ADD1: variants seen among roughly 807,000 people sequenced by gnomAD.
ADD1 encodes alpha-adducin.
Under a neutral mutation model 80.5 loss-of-function variants are expected in ADD1, and 24 were observed. The observed-to-expected ratio is 0.30, with a 90% CI of 0.22 to 0.42. The LOEUF (loss-of-function observed/expected upper bound fraction) is 0.42, where lower values mean the gene tolerates loss of function less well. ADD1 is among the 10% of genes least tolerant of loss of function. ADD1 has a pLI of 1.00. For synonymous variants in ADD1, 373 were observed against 393.8 expected, an observed-to-expected ratio of 0.95 and a Z score of 0.63; for missense variants, 948 against 1,019.0, an observed-to-expected ratio of 0.93 and a Z score of 0.95.
At chr4:2,848,380 G>A (rs1184615050) in intron 1 of ADD1, among the ~76,000 whole-genome samples, 2 of 152,162 alleles carry the variant, frequency 1.3e-5, no homozygotes, top group Non-Finnish European at 2.9e-5. Flanking sequence ...AATTTTTCTA[G>A]AAGTACCTTT....
chr4:2,904,831 T>C lies in ADD1; in HGVS notation c.1229T>C (p.Val410Ala). 6.2e-7 allele frequency: 1 copy of C among 1,614,208 alleles called. No homozygotes were observed. Among genetic ancestry groups the C allele is most frequent in the Non-Finnish European group, 8.5e-7 (1 of 1,180,042 alleles). The change falls in exon 10 of 16, where the codon GTG (valine) becomes GCG (alanine). Residue 410 changes from valine to alanine, a missense_variant. Coordinates refer to ENST00000683351, the MANE Select transcript of ADD1 (RefSeq NM_001354761.2). ...GAGAAGTCTAAAAAATACAGCGATG[T>C]GGAGGTTCCTGCTAGTGTCACAGGT... The part of the protein sequence containing the change: ...LREKSKKYSD[V>A]EVPASVTGYS...
intron 4 of ADD1, among the ~76,000 whole-genome samples, chr4:2,885,640 T>C (rs574553547): frequency 5.9e-4 from 90 of 151,828 alleles, no homozygotes; most frequent in African/African-American, 1.3e-3. Context: ...GACAGAGACT[T>C]GCTCTGTTGC....
Position 2,876,116 on chromosome 4 carries a change from A to G in ADD1, c.195+6A>G, listed in dbSNP as rs1303336490. On this transcript the variant is annotated splice_donor_region_variant and intron_variant, in intron 2 of 15. Coordinates refer to ENST00000683351, the MANE Select transcript of ADD1 (RefSeq NM_001354761.2). ...CCATGATTCTGCAAAGCCCTGTGAG[A>G]AGAGAAGTCTTTTCTCTGACCAGAT... 6.2e-7 allele frequency: 1 copy of G among 1,609,366 alleles called. No individual in the cohort carries two copies. Among genetic ancestry groups the G allele is most frequent in the Admixed American group, 1.7e-5 (1 of 58,806 alleles).
intron 6 of ADD1, among the ~76,000 whole-genome samples, chr4:2,897,204 T>C (rs1735389612): frequency 6.6e-6 from 1 of 152,112 alleles, no homozygotes. Flanking sequence ...TTTTGAATCT[T>C]TGAAGCCTGT....
intron 13 of ADD1, among the ~76,000 whole-genome samples, chr4:2,910,621 G>A (rs865980085): frequency 6.6e-6 from 1 of 151,738 alleles, no homozygotes; most frequent in Non-Finnish European, 1.5e-5. Context: ...GCCCACGTGA[G>A]GGCAGCACTG....
intron 1 of ADD1, among the ~76,000 whole-genome samples, chr4:2,864,486 G>C (rs1201462042): frequency 5.3e-5 from 8 of 152,160 alleles, no homozygotes. Flanking sequence ...CAAATGTTTT[G>C]TATCATTATG....
At chr4:2,895,238 A>T (rs1293227598) in intron 6 of ADD1, among the ~76,000 whole-genome samples, 6 of 152,196 alleles carry the variant, frequency 3.9e-5, no homozygotes, top group Admixed American at 3.9e-4. Context: ...CCTGGGTGAC[A>T]GAGTAAGACC....
At position 2,929,029 on chromosome 4, in the gene ADD1, G is replaced by C. The variant is rs1044752283; in HGVS notation, c.*506G>C. On this transcript the variant is annotated 3_prime_UTR_variant, in exon 16 of 16. Transcript: ENST00000683351. ...GCCTTGGTCCCGTGAAAACACTCGT[G>C]TGCCCACCAGCGGCCTTGAAGAGGC... 3.9e-5 allele frequency: 6 copies of C among 155,410 alleles called. No individual in the cohort carries two copies. The highest frequency in any genetic ancestry group is 1.4e-4 in the African/African-American group (6 of 41,458). 9.6% of individuals were successfully genotyped at this position (155,410 alleles called of 1,614,324 possible).
intron 9 of ADD1, chr4:2,900,859 T>G (rs1226427583): frequency 6.6e-6 from 1 of 152,174 alleles, no homozygotes; most frequent in African/African-American, 2.4e-5. Context: ...TTGATTGCAT[T>G]AATTGACTGT....
chr4:2,916,162 ATATTATTATTATTAT>A (rs71662749), intron 14 of ADD1, among the ~76,000 whole-genome samples: 2,891 of 141,048 alleles, frequency 0.02, 70 homozygotes, highest in African/African-American at 0.061. Flanking sequence ...GCCAGCATGC[ATATTATTATTATTAT>A]TATTATTATT....
At chr4:2,882,122 T>C in intron 3 of ADD1, 62 bp downstream of exon 3, 2 of 1,460,072 alleles carry the variant, frequency 1.4e-6, no homozygotes, top group Non-Finnish European at 1.8e-6. Context: ...TCCTGAAGAT[T>C]GCTCATGTGA....
chr4:2,863,870 C>T (rs1408083913), intron 1 of ADD1, among the ~76,000 whole-genome samples: 1 of 151,990 alleles, frequency 6.6e-6, no homozygotes, highest in Non-Finnish European at 1.5e-5. Flanking sequence ...TGCCTGGCTA[C>T]TATACCCTGT....
At position 2,870,080 on chromosome 4, in the gene ADD1, A is replaced by G. The variant is rs146778795; in HGVS notation, c.-20-5816A>G. Among the ~76,000 whole-genome samples the G allele has an allele frequency of 1.1e-3, 166 of 152,372 alleles. 1 individual carries two copies. Among genetic ancestry groups the G allele is most frequent in the Admixed American group, 3.6e-3 (55 of 15,306 alleles). On this transcript the variant is annotated intron_variant, in intron 1 of 15. Transcript: ENST00000683351. ...TTCATGTTCCAGCTTTAGGGATTCA[A>G]AAGTAAATCATGTGAATGCTGGGAA...
chr4:2,869,559 T>G (rs1364896144), intron 1 of ADD1, among the ~76,000 whole-genome samples: 1 of 152,172 alleles, frequency 6.6e-6, no homozygotes, highest in South Asian at 2.1e-4. Context: ...ATGTGAATTT[T>G]GGGGAGTGGA....
At chr4:2,918,072 A>G (rs1429389384) in intron 14 of ADD1, among the ~76,000 whole-genome samples, 1 of 152,256 alleles carries the variant, frequency 6.6e-6, no homozygotes, top group African/African-American at 2.4e-5. Context: ...AGTCAGTGGT[A>G]GCTTGATGGG....
intron 5 of ADD1, 124 bp from the exon 6 acceptor site, chr4:2,894,458 C>T: frequency 1.2e-6 from 1 of 834,608 alleles, no homozygotes; most frequent in Non-Finnish European, 1.8e-6. Context: ...GAGGTGGAGG[C>T]CGAGGTCGCA....
chr4:2,864,306 G>C (rs905126130), intron 1 of ADD1, among the ~76,000 whole-genome samples: 7 of 152,140 alleles, frequency 4.6e-5, no homozygotes, highest in African/African-American at 1.7e-4. Context: ...CCAGCTGTTC[G>C]GGAGGCTGAG....
At chr4:2,852,310 TTTTTC>T (rs1553815420) in intron 1 of ADD1, among the ~76,000 whole-genome samples, 2 of 122,514 alleles carry the variant, frequency 1.6e-5, no homozygotes, top group African/African-American at 3.0e-5. Flanking sequence ...TCTTTTCTTT[TTTTTC>T]TTTTCTTTTC....
Position 2,926,019 on chromosome 4 carries a change from C to T in ADD1, c.1954C>T (p.Leu652=), listed in dbSNP as rs758585042. 3.1e-6 allele frequency: 5 copies of T among 1,613,994 alleles called. No individual in the cohort carries two copies. In the East Asian group the frequency reaches 1.1e-4, roughly 36 times the overall value. ...TCCTTCTTGCTTCTCTGCAGAGAATCTGGACGAGGCTAGAGAACAGAAAGA... is the reference window on the plus strand; with the variant it reads ...TCCTTCTTGCTTCTCTGCAGAGAATTTGGACGAGGCTAGAGAACAGAAAGA... ...ERKQKGSEEN[L]DEAREQKEKS... Residue 652 remains leucine (L), a synonymous_variant, in exon 15 of 16, where the codon CTG becomes TTG. Transcript: ENST00000683351. This position sits in a 1 kb window ranked among gnomAD's most constrained non-coding sequence, Gnocchi z 5.0.
Sources: allele counts gnomAD v4.1 joint callset (sites outside exome capture counted in the v4.1 genomes callset), GRCh38; gene constraint gnomAD v4.1.1; non-coding constraint Gnocchi (gnomAD v3.1); transcripts MANE v1.5; gene names NCBI Gene and HGNC (gene_info 2026-07-23, HGNC 2026-07-21).